The following TTC9 variants were observed in gnomAD, a reference collection of about 807,000 sequenced individuals.
TTC9 encodes the protein tetratricopeptide repeat domain 9.
A neutral mutation model predicts 22.9 loss-of-function variants in TTC9; 13 were observed. The observed-to-expected ratio is 0.57, with a 90% CI of 0.37 to 0.90. The LOEUF (loss-of-function observed/expected upper bound fraction) is 0.90. Ranked by LOEUF, TTC9 falls within the 40% of genes least tolerant of loss-of-function variation. The pLI is 0.01. For missense variants in TTC9, 280 were observed against 291.8 expected (o/e 0.96, Z 0.29); for synonymous variants, 148 against 133.2 (o/e 1.11, Z -0.77).
At chr14:70,653,334 AG>A (rs34976706) in intron 1 of TTC9, among the ~76,000 whole-genome samples, 2 of 152,116 alleles carry the variant, frequency 1.3e-5, no homozygotes, top group Non-Finnish European at 2.9e-5. Flanking sequence ...AGGACAAAAC[AG>A]GGGCCAGGGG....
intron 2 of TTC9, among the ~76,000 whole-genome samples, chr14:70,668,384 T>G (rs182687431): frequency 6.6e-6 from 1 of 152,216 alleles, no homozygotes; most frequent in African/African-American, 2.4e-5. Context: ...TGGCTCACTG[T>G]CTATTGTAAG....
At chr14:70,664,414 C>T (rs1423296712) in intron 1 of TTC9, among the ~76,000 whole-genome samples, 1 of 152,110 alleles carries the variant, frequency 6.6e-6, no homozygotes, top group East Asian at 1.9e-4. Flanking sequence ...ACCCCCTCCA[C>T]CCCTGGATTC....
In TTC9 at chr14:70,672,644, A is replaced by G. The variant is rs577274389; in HGVS notation, c.*1489A>G. On this transcript the variant is annotated 3_prime_UTR_variant, in exon 3 of 3. Coordinates refer to ENST00000256367, the MANE Select transcript of TTC9 (RefSeq NM_015351.2). ...CTAGTGAAAAAGACAATGTTGTACA[A>G]AATTAAAATATATACAGATGCAATA... 3.3e-5 allele frequency: 5 copies of G among 152,376 alleles called. No homozygotes were observed. The South Asian group carries it at 1.0e-3, about 32-fold the overall frequency. The allele number at this position is 152,376 out of a possible 1,614,324, so 9.4% of individuals were successfully genotyped here. A position where few individuals can be genotyped will look rare whatever the true frequency, so the allele number is the denominator to read the frequency against.
intron 1 of TTC9, among the ~76,000 whole-genome samples, chr14:70,667,234 T>C (rs1886228007): frequency 6.6e-6 from 1 of 152,218 alleles, no homozygotes; most frequent in Non-Finnish European, 1.5e-5. Context: ...TGACCTCAAC[T>C]TGATCACCTC....
At chr14:70,649,300 T>C (rs1885946496) in intron 1 of TTC9, among the ~76,000 whole-genome samples, 1 of 152,268 alleles carries the variant, frequency 6.6e-6, no homozygotes. Context: ...TTTCCCAGCA[T>C]CTGTCTCTTG....
rs1885824185 is a variant in TTC9 at position 70,642,228 on chromosome 14, C to T, written c.99C>T (p.Gly33=). Residue 33 remains glycine, a synonymous_variant, in exon 1 of 3, where the codon GGC becomes GGT. Coordinates refer to ENST00000256367, the MANE Select transcript of TTC9 (RefSeq NM_015351.2). ...QRPPPPLCVP[G]GGGGAPARGQ... is the part of the protein sequence containing the mutation. Reference sequence around the variant, plus strand: ...CACCGCCGCCGCTGTGCGTCCCGGGCGGCGGCGGAGGAGCCCCAGCGAGGG... The same window carrying T: ...CACCGCCGCCGCTGTGCGTCCCGGGTGGCGGCGGAGGAGCCCCAGCGAGGG... 14 of 1,316,198 alleles carry T rather than the reference C, an allele frequency of 1.1e-5. No individual in the cohort carries two copies. The highest frequency in any genetic ancestry group is 1.4e-5 in the Non-Finnish European group (14 of 1,032,644). 81.5% of individuals were successfully genotyped at this position (1,316,198 alleles called of 1,614,324 possible).
At position 70,675,119 on chromosome 14, in the gene TTC9, G is replaced by A. The variant is rs1210635805; in HGVS notation, c.*3964G>A. ...AATTTGGTAGCTGGGATAATAGTATGTCAATGTTATTTTAACTTTCTTTGA... is the reference window on the plus strand; with the variant it reads ...AATTTGGTAGCTGGGATAATAGTATATCAATGTTATTTTAACTTTCTTTGA... On this transcript the variant is annotated 3_prime_UTR_variant, in exon 3 of 3. Transcript: ENST00000256367. The A allele has an allele frequency of 6.6e-6, 1 of 152,136 alleles. No homozygotes were observed. The highest frequency in any genetic ancestry group is 1.5e-5 in the Non-Finnish European group (1 of 68,026). 9.4% of individuals were successfully genotyped at this position (152,136 alleles called of 1,614,324 possible). A position where few individuals can be genotyped will look rare whatever the true frequency, so the allele number is the denominator to read the frequency against.
intron 1 of TTC9, among the ~76,000 whole-genome samples, chr14:70,651,182 A>G (rs543061922): frequency 2.4e-4 from 37 of 152,246 alleles, no homozygotes; most frequent in African/African-American, 7.7e-4. Context: ...GGGTTTCGCT[A>G]TGTTGGCCAG....
chr14:70,670,017 C>T (rs190495384), intron 2 of TTC9, among the ~76,000 whole-genome samples: 112 of 152,180 alleles, frequency 7.4e-4, no homozygotes, highest in African/African-American at 1.3e-3. Context: ...CTGCTTATAA[C>T]GACAAAAATA....
intron 1 of TTC9, among the ~76,000 whole-genome samples, chr14:70,643,436 G>A (rs1240053557): frequency 3.3e-5 from 5 of 152,248 alleles, no homozygotes; most frequent in African/African-American, 1.2e-4. Flanking sequence ...CTTCCTGGGA[G>A]AAGGTGGGAG....
intron 1 of TTC9, among the ~76,000 whole-genome samples, chr14:70,665,415 G>A (rs968389719): frequency 1.3e-5 from 2 of 152,202 alleles, no homozygotes; most frequent in Non-Finnish European, 1.5e-5. Context: ...AGGTGAGGAA[G>A]GGGACAGAAG....
chr14:70,656,386 A>G lies in TTC9; in HGVS notation c.407-11178A>G, dbSNP rs571893807. On this transcript the variant is annotated intron_variant, in intron 1 of 2. Coordinates refer to ENST00000256367, the MANE Select transcript of TTC9 (RefSeq NM_015351.2). Reference sequence around the variant, plus strand: ...GGCTGTGTAATGTTCCATTGCACCAATGTCCCATTATTTATTTAACTAATC... The same window carrying G: ...GGCTGTGTAATGTTCCATTGCACCAGTGTCCCATTATTTATTTAACTAATC... Among the ~76,000 whole-genome samples the G allele has an allele frequency of 5.3e-5, 8 of 152,328 alleles. No individual in the cohort carries two copies. In the East Asian group the frequency reaches 1.3e-3, roughly 26 times the overall value.
intron 1 of TTC9, among the ~76,000 whole-genome samples, chr14:70,648,088 A>G (rs993545138): frequency 6.6e-6 from 1 of 152,212 alleles, no homozygotes; most frequent in Non-Finnish European, 1.5e-5. Flanking sequence ...CAGAGGATGA[A>G]TTCCTAGGGT....
intron 1 of TTC9, among the ~76,000 whole-genome samples, chr14:70,660,269 A>T (rs777654734): frequency 5.3e-4 from 81 of 152,234 alleles, no homozygotes; most frequent in Admixed American, 1.3e-4. Context: ...ACATGTGCAG[A>T]TTTCCAGCTC....
intron 1 of TTC9, among the ~76,000 whole-genome samples, chr14:70,664,839 G>A (rs1886192090): frequency 6.6e-6 from 1 of 151,934 alleles, no homozygotes; most frequent in African/African-American, 2.4e-5. Flanking sequence ...GGTGTCAGCT[G>A]AGGCTCCACA....
Position 70,673,121 on chromosome 14 carries a change from A to T in TTC9, c.*1966A>T, listed in dbSNP as rs900865386. On this transcript the variant is annotated 3_prime_UTR_variant, in exon 3 of 3. Coordinates refer to ENST00000256367, the MANE Select transcript of TTC9 (RefSeq NM_015351.2). ...CAATAGTTATGTCTGTGTATTGCTCATTCTACTTACTGATGGAGCCAGCAT... is the reference window on the plus strand; with the variant it reads ...CAATAGTTATGTCTGTGTATTGCTCTTTCTACTTACTGATGGAGCCAGCAT... 1 of 152,194 alleles carries T rather than the reference A, an allele frequency of 6.6e-6. No homozygotes were observed. Among genetic ancestry groups the T allele is most frequent in the Non-Finnish European group, 1.5e-5 (1 of 68,042 alleles). 9.4% of individuals were successfully genotyped at this position (152,194 alleles called of 1,614,324 possible).
At chr14:70,651,414 T>C (rs976471163) in intron 1 of TTC9, among the ~76,000 whole-genome samples, 4 of 144,558 alleles carry the variant, frequency 2.8e-5, no homozygotes, top group Non-Finnish European at 4.4e-5. Flanking sequence ...TTTAAAAATA[T>C]TCCTGAAGAA....
At chr14:70,665,341 T>A (rs1886199885) in intron 1 of TTC9, among the ~76,000 whole-genome samples, 1 of 152,118 alleles carries the variant, frequency 6.6e-6, no homozygotes, top group East Asian at 1.9e-4. Context: ...GGAACCTTTT[T>A]ACAGAAACCC....
rs1457639356 is a variant in TTC9 at position 70,672,710 on chromosome 14, T to C, written c.*1555T>C. 6.6e-6 allele frequency: 1 copy of C among 152,240 alleles called. No individual in the cohort carries two copies. Among genetic ancestry groups the C allele is most frequent in the Admixed American group, 6.5e-5 (1 of 15,288 alleles). The allele number at this position is 152,240 out of a possible 1,614,324, so 9.4% of individuals were successfully genotyped here. On this transcript the variant is annotated 3_prime_UTR_variant, in exon 3 of 3. Coordinates refer to ENST00000256367, the MANE Select transcript of TTC9 (RefSeq NM_015351.2). ...ATTTATTAAATGCATTATCTTCAGA[T>C]CTTTACATGTATAATCTCATTTCTT...
Sources: gnomAD v4.1 joint callset for allele counts (sites outside exome capture counted in the v4.1 genomes callset) on GRCh38, gnomAD v4.1.1 for gene constraint, MANE v1.5 for transcripts, NCBI Gene and HGNC (gene_info 2026-07-23, HGNC 2026-07-21) for gene names.